FNBP1: variants seen among roughly 807,000 people sequenced by gnomAD.
FNBP1 encodes formin-binding protein 1.
In FNBP1, 26 loss-of-function variants were observed where a neutral mutation model predicts 90.6. The ratio of observed to expected loss-of-function variants is 0.29; its 90% CI spans 0.21 to 0.40. FNBP1 has a LOEUF of 0.40. FNBP1 is among the 10% of genes least tolerant of loss of function. The pLI is 1.00. For missense variants in FNBP1, 635 were observed against 768.0 expected (o/e 0.83, Z 2.05); for synonymous variants, 260 against 265.2 (o/e 0.98, Z 0.19).
chr9:130,053,849 C>T, the FNBP1 span: 1 of 1,350,878 alleles, frequency 7.4e-7, no homozygotes, highest in East Asian at 2.5e-5. Context: ...CGCCGAGCCC[C>T]GCTCCCCGGG....
At chr9:129,977,317 T>C (rs2050482903) in intron 4 of FNBP1, among the ~76,000 whole-genome samples, 1 of 152,098 alleles carries the variant, frequency 6.6e-6, no homozygotes, top group South Asian at 2.1e-4. Context: ...ACTTTGAGCA[T>C]CCATTTTTCT....
chr9:130,012,250 T>G (rs2056707278), intron 1 of FNBP1, among the ~76,000 whole-genome samples: 1 of 152,236 alleles, frequency 6.6e-6, no homozygotes, highest in Admixed American at 6.5e-5. Flanking sequence ...TTAACTTCTG[T>G]GTTGCTGTTT....
chr9:129,890,360 C>T lies in FNBP1; in HGVS notation c.*179G>A, dbSNP rs779867389. 15 of 544,344 alleles carry T rather than the reference C, an allele frequency of 2.8e-5. No homozygotes were observed. The highest frequency in any genetic ancestry group is 4.6e-5 in the Non-Finnish European group (14 of 304,328). The allele number at this position is 544,344 out of a possible 1,614,324, so 33.7% of individuals were successfully genotyped here. A position where few individuals can be genotyped will look rare whatever the true frequency, so the allele number is the denominator to read the frequency against. ...GAGACTTGTCCCCCACGAGGTGGCCCGGGCTGGGCGGGAGGGCAGGGCCGC... is the reference window on the plus strand; with the variant it reads ...GAGACTTGTCCCCCACGAGGTGGCCTGGGCTGGGCGGGAGGGCAGGGCCGC... On this transcript the variant is annotated 3_prime_UTR_variant, in exon 17 of 17. Coordinates refer to ENST00000446176, the MANE Select transcript of FNBP1 (RefSeq NM_015033.3). This position sits in a 1 kb window ranked among gnomAD's most constrained non-coding sequence, Gnocchi z 5.8.
upstream of FNBP1, chr9:130,043,268 G>C: frequency 4.0e-6 from 1 of 250,090 alleles, no homozygotes; most frequent in East Asian, 7.3e-5. Context: ...CGGTCTGACA[G>C]CTCGCGCACG....
intron 7 of FNBP1, among the ~76,000 whole-genome samples, chr9:129,928,719 G>A (rs562250093): frequency 5.3e-5 from 8 of 152,064 alleles, no homozygotes; most frequent in African/African-American, 1.7e-4. Context: ...TTGGCTGCAG[G>A]TGCAAACTAT....
chr9:130,008,135 A>T (rs11793810), intron 1 of FNBP1, among the ~76,000 whole-genome samples: 1 of 151,740 alleles, frequency 6.6e-6, no homozygotes, highest in African/African-American at 2.4e-5. Context: ...ACTTGAGCCC[A>T]GGAGTTCGAG....
intron 6 of FNBP1, among the ~76,000 whole-genome samples, chr9:129,932,858 G>C (rs2132120256): frequency 6.6e-6 from 1 of 152,052 alleles, no homozygotes; most frequent in South Asian, 2.1e-4. Context: ...TTAAATAATA[G>C]CTTTCCCACC....
At chr9:130,003,935 G>A (rs1344734444) in intron 1 of FNBP1, among the ~76,000 whole-genome samples, 4 of 40,102 alleles carry the variant, frequency 1.0e-4, no homozygotes, top group African/African-American at 2.9e-4. Flanking sequence ...AAAAAAAAAA[G>A]TAGTCTTCTG....
intron 15 of FNBP1, 129 bp from the exon 16 acceptor site, chr9:129,896,125 T>C: frequency 1.1e-6 from 1 of 893,836 alleles, no homozygotes; most frequent in East Asian, 2.5e-5. Flanking sequence ...ACTCGGACCT[T>C]CTCAGATGCA....
intron 1 of FNBP1, among the ~76,000 whole-genome samples, chr9:130,012,842 T>C (rs1385068313): frequency 3.9e-5 from 6 of 152,108 alleles, no homozygotes; most frequent in African/African-American, 1.2e-4. Context: ...GGTTTCACCA[T>C]GTTAGCCAGG....
chr9:129,937,500 A>C (rs1249136526), intron 6 of FNBP1, among the ~76,000 whole-genome samples: 1 of 152,136 alleles, frequency 6.6e-6, no homozygotes, highest in Non-Finnish European at 1.5e-5. Context: ...TGGGAGGCTG[A>C]GGCGGGCGGA....
intron 7 of FNBP1, among the ~76,000 whole-genome samples, chr9:129,927,855 C>T (rs537397918): frequency 6.7e-6 from 1 of 149,526 alleles, no homozygotes; most frequent in Admixed American, 6.7e-5. Flanking sequence ...AACTCCTTAC[C>T]TCAGGTGATC....
chr9:129,890,372 G>C lies in FNBP1; in HGVS notation c.*167C>G. ...CCACGAGGTGGCCCGGGCTGGGCGGGAGGGCAGGGCCGCAGGGAGCATGCT... is the reference window on the plus strand; with the variant it reads ...CCACGAGGTGGCCCGGGCTGGGCGGCAGGGCAGGGCCGCAGGGAGCATGCT... On this transcript the variant is annotated 3_prime_UTR_variant, in exon 17 of 17. Coordinates refer to ENST00000446176, the MANE Select transcript of FNBP1 (RefSeq NM_015033.3). This position sits in a 1 kb window ranked among gnomAD's most constrained non-coding sequence, Gnocchi z 5.8. The C allele has an allele frequency of 1.6e-6, 1 of 623,820 alleles. No individual in the cohort carries two copies. The highest frequency in any genetic ancestry group is 2.9e-6 in the Non-Finnish European group (1 of 349,892). The allele number at this position is 623,820 out of a possible 1,614,324, so 38.6% of individuals were successfully genotyped here. A position where few individuals can be genotyped will look rare whatever the true frequency, so the allele number is the denominator to read the frequency against.
In FNBP1 at chr9:129,890,565, C is replaced by T. The variant is rs938206658; in HGVS notation, c.1847-19G>A. 1.9e-6 allele frequency: 3 copies of T among 1,577,876 alleles called. No individual in the cohort carries two copies. The Admixed American group carries it at 5.5e-5, about 29-fold the overall frequency. On this transcript the variant is annotated intron_variant, in intron 16 of 16. Coordinates refer to ENST00000446176, the MANE Select transcript of FNBP1 (RefSeq NM_015033.3). This position sits in a 1 kb window ranked among gnomAD's most constrained non-coding sequence, Gnocchi z 5.8. Reference sequence around the variant, plus strand: ...TAGGAATCTACAACACAAAGAGAAACAGAAAGAGAAACTCTCTGTTAGAGA... The same window carrying T: ...TAGGAATCTACAACACAAAGAGAAATAGAAAGAGAAACTCTCTGTTAGAGA...
intron 1 of FNBP1, among the ~76,000 whole-genome samples, chr9:130,019,198 C>T (rs1197372224): frequency 3.3e-5 from 5 of 151,714 alleles, no homozygotes; most frequent in Non-Finnish European, 5.9e-5. Flanking sequence ...AGGCACTCCA[C>T]TCCCGCCTGG....
At chr9:130,005,486 C>T (rs1385126744) in intron 1 of FNBP1, among the ~76,000 whole-genome samples, 8 of 151,560 alleles carry the variant, frequency 5.3e-5, no homozygotes, top group East Asian at 3.9e-4. Flanking sequence ...GGACTACAGA[C>T]GCCCGCCACC....
In FNBP1 at chr9:129,925,060, G is replaced by A. The variant is rs966573281; in HGVS notation, c.887C>T (p.Ser296Leu). The change falls in exon 9 of 17, where the codon TCA becomes TTA. Residue 296 changes from serine to leucine, a missense_variant. Physicochemically the swap from Ser to Leu is moderately radical, Grantham distance 145 (BLOSUM62 -2). Transcript: ENST00000446176. ...DYTQPMKRTV[S>L]DNSLSNSRGE... ...TCTGGAATTTGAAAGGCTGTTATCT[G>A]ACACAGTGCGCTTCATTGGCTGAGT... is the stretch of plus-strand genomic sequence containing the variant. 3.7e-6 allele frequency: 6 copies of A among 1,613,864 alleles called. No homozygotes were observed. The highest frequency in any genetic ancestry group is 5.1e-6 in the Non-Finnish European group (6 of 1,179,814).
At chr9:130,020,126 A>G (rs1244828358) in intron 1 of FNBP1, among the ~76,000 whole-genome samples, 1 of 152,224 alleles carries the variant, frequency 6.6e-6, no homozygotes, top group Non-Finnish European at 1.5e-5. Flanking sequence ...TCTGCCTAGG[A>G]AACAATGTGA....
intron 10 of FNBP1, among the ~76,000 whole-genome samples, chr9:129,918,264 C>T (rs184814548): frequency 1.1e-4 from 16 of 152,214 alleles, no homozygotes; most frequent in Non-Finnish European, 1.9e-4. Flanking sequence ...GAAGTGCCAT[C>T]ACAGTACGTG....
Sources: allele counts gnomAD v4.1 joint callset (sites outside exome capture counted in the v4.1 genomes callset), GRCh38; gene constraint gnomAD v4.1.1; non-coding constraint Gnocchi (gnomAD v3.1); transcripts MANE v1.5; gene names NCBI Gene and HGNC (gene_info 2026-07-23, HGNC 2026-07-21).